SORCS2: variants seen among roughly 807,000 people sequenced by gnomAD.
SORCS2 encodes VPS10 domain-containing receptor SorCS2.
In SORCS2, 100 loss-of-function variants were observed where a neutral mutation model predicts 141.6. The observed-to-expected ratio is 0.71, with a 90% CI of 0.60 to 0.83. The LOEUF is 0.83. Ranked by LOEUF, SORCS2 falls within the 40% of genes least tolerant of loss-of-function variation. The pLI, the probability that SORCS2 is intolerant of heterozygous loss-of-function variation, is 0.00. For synonymous variants in SORCS2, 789 were observed against 676.9 expected, an observed-to-expected ratio of 1.17 and a Z score of -2.57; for missense variants, 1,646 against 1,560.2, an observed-to-expected ratio of 1.05 and a Z score of -0.93.
intron 1 of SORCS2, among the ~76,000 whole-genome samples, chr4:7,378,695 C>A (rs1200445319): frequency 6.6e-6 from 1 of 152,202 alleles, no homozygotes; most frequent in South Asian, 2.1e-4. Flanking sequence ...TTCCTCCCCC[C>A]CACACTGCTA....
At chr4:7,544,119 C>T (rs1713063773) in intron 3 of SORCS2, among the ~76,000 whole-genome samples, 1 of 151,090 alleles carries the variant, frequency 6.6e-6, no homozygotes, top group African/African-American at 2.4e-5. Context: ...CATCCATCCA[C>T]CCATCCACTC....
At chr4:7,395,380 C>A (rs986709813) in intron 1 of SORCS2, among the ~76,000 whole-genome samples, 1 of 152,200 alleles carries the variant, frequency 6.6e-6, no homozygotes, top group East Asian at 1.9e-4. Flanking sequence ...ATCTTACCTC[C>A]CGGGGGCTAC....
At chr4:7,597,366 G>T (rs543972724) in intron 3 of SORCS2, among the ~76,000 whole-genome samples, 2 of 150,418 alleles carry the variant, frequency 1.3e-5, no homozygotes, top group East Asian at 4.0e-4. Context: ...TGAGAGAGGG[G>T]GCTGTGCAAT....
chr4:7,545,064 C>CAA (rs1713141224), intron 3 of SORCS2, among the ~76,000 whole-genome samples: 1 of 151,784 alleles, frequency 6.6e-6, no homozygotes, highest in African/African-American at 2.4e-5. Flanking sequence ...ATAGAGTGAA[C>CAA]CCTGGAAACT....
intron 1 of SORCS2, 119 bp from the exon 2 acceptor site, chr4:7,396,169 C>T (rs1317761345): frequency 1.2e-6 from 1 of 836,976 alleles, no homozygotes; most frequent in Admixed American, 2.4e-5. Flanking sequence ...TAAGAGAGGC[C>T]CCTGGGCGGC....
intron 2 of SORCS2, among the ~76,000 whole-genome samples, chr4:7,530,084 A>C (rs1471395715): frequency 6.6e-6 from 1 of 152,142 alleles, no homozygotes; most frequent in African/African-American, 2.4e-5. Context: ...TAAACAGTCC[A>C]TTTTTCTGGA....
At chr4:7,609,513 G>A (rs573021685) in intron 3 of SORCS2, among the ~76,000 whole-genome samples, 1 of 152,176 alleles carries the variant, frequency 6.6e-6, no homozygotes, top group Non-Finnish European at 1.5e-5. Flanking sequence ...AGCCCCTGTG[G>A]TTTCTCCTTG....
chr4:7,286,690 C>T lies in SORCS2; in HGVS notation c.480+93564C>T, dbSNP rs1348552326. Among the ~76,000 whole-genome samples, 1 of 152,192 alleles carries T rather than the reference C, an allele frequency of 6.6e-6. No homozygotes were observed. Among genetic ancestry groups the T allele is most frequent in the African/African-American group, 2.4e-5 (1 of 41,444 alleles). The stretch of plus-strand genomic sequence containing the variant: ...AGAGCTGGGACTCGACTCTGGGCCT[C>T]CTGCCTTCTGGCCTGGCACTTTTTC... On this transcript the variant is annotated intron_variant, in intron 1 of 26. Transcript: ENST00000507866. The surrounding 1 kb of genome is among the most constrained non-coding windows in gnomAD (Gnocchi z 4.1).
intron 1 of SORCS2, among the ~76,000 whole-genome samples, chr4:7,265,371 G>T (rs1179268055): frequency 1.3e-5 from 2 of 152,152 alleles, no homozygotes; most frequent in Admixed American, 1.3e-4. Context: ...TGTGCCTGTG[G>T]TCCCAGCTAC....
At chr4:7,467,710 C>G (rs1208714732) in intron 2 of SORCS2, among the ~76,000 whole-genome samples, 2 of 152,210 alleles carry the variant, frequency 1.3e-5, no homozygotes, top group African/African-American at 2.4e-5. Context: ...GGGGGAGATG[C>G]CACCCAGCTC....
At chr4:7,533,771 G>A (rs1711860815) in intron 3 of SORCS2, among the ~76,000 whole-genome samples, 1 of 151,910 alleles carries the variant, frequency 6.6e-6, no homozygotes, top group Non-Finnish European at 1.5e-5. Context: ...TCTGCATGCA[G>A]CAACCTGGGG....
chr4:7,569,453 G>A (rs949737020), intron 3 of SORCS2, among the ~76,000 whole-genome samples: 8 of 152,166 alleles, frequency 5.3e-5, no homozygotes, highest in Admixed American at 2.6e-4. Flanking sequence ...CGGAGGTTGC[G>A]GTGAGCTGAG....
At chr4:7,381,680 C>T (rs192461301) in intron 1 of SORCS2, among the ~76,000 whole-genome samples, 1 of 152,344 alleles carries the variant, frequency 6.6e-6, no homozygotes, top group East Asian at 1.9e-4. Context: ...AGAGCAGGCT[C>T]TTCTAATCCC....
chr4:7,557,031 C>T (rs1466586588), intron 3 of SORCS2, among the ~76,000 whole-genome samples: 1 of 151,968 alleles, frequency 6.6e-6, no homozygotes, highest in African/African-American at 2.4e-5. Context: ...ACTCATCCAT[C>T]CATCCCTTTA....
intron 3 of SORCS2, among the ~76,000 whole-genome samples, chr4:7,620,668 C>T (rs1437423653): frequency 6.6e-6 from 1 of 152,226 alleles, no homozygotes; most frequent in Admixed American, 6.5e-5. Flanking sequence ...ACTCCATGTC[C>T]CTGACAAAGC....
At position 7,424,499 on chromosome 4, in the gene SORCS2, T is replaced by A. The variant is rs79821027; in HGVS notation, c.548+28144T>A. Among the ~76,000 whole-genome samples, 33 of 152,194 alleles carry A rather than the reference T, an allele frequency of 2.2e-4. No individual in the cohort carries two copies. In the South Asian group the frequency reaches 6.2e-3, roughly 29 times the overall value. Reference sequence around the variant, plus strand: ...ATCCGGGTCCACACAGTCCTCTGAATTGGGGGAGGAAATGCAGGCTTGGAA... The same window carrying A: ...ATCCGGGTCCACACAGTCCTCTGAAATGGGGGAGGAAATGCAGGCTTGGAA... On this transcript the variant is annotated intron_variant, in intron 2 of 26. Transcript: ENST00000507866.
rs1211945845 is a variant in SORCS2 at position 7,714,306 on chromosome 4, A to T, written c.2056A>T (p.Lys686Ter). 1 of 1,602,246 alleles carries T rather than the reference A, an allele frequency of 6.2e-7. No individual in the cohort carries two copies. The highest frequency in any genetic ancestry group is 1.7e-5 in the Admixed American group (1 of 58,664). ...AAGAAAGTCCACGTCCTGGTGCATC[A>T]AGGGGAGGAGCTTCACGTCGGCGCT... is the stretch of plus-strand genomic sequence containing the variant. ...RKRKSTSWCI[K>*]GRSFTSALTS... The change falls in exon 16 of 27, where the codon AAG (lysine) becomes TAG (stop). Residue 686 changes from lysine (K) to a stop codon, truncating the protein, a stop_gained. Coordinates refer to ENST00000507866, the MANE Select transcript of SORCS2 (RefSeq NM_020777.3). LOFTEE classifies it high-confidence loss of function.
At chr4:7,283,502 C>A (rs546172076) in intron 1 of SORCS2, among the ~76,000 whole-genome samples, 1 of 152,118 alleles carries the variant, frequency 6.6e-6, no homozygotes, top group Non-Finnish European at 1.5e-5. Flanking sequence ...TGGAGTGATT[C>A]CAGGTTTCCC....
chr4:7,604,684 C>T (rs1717950045), intron 3 of SORCS2, among the ~76,000 whole-genome samples: 1 of 152,214 alleles, frequency 6.6e-6, no homozygotes, highest in Non-Finnish European at 1.5e-5. Context: ...GTGCCTGCTT[C>T]CCCTTCTGCC....
Sources: gnomAD v4.1 joint callset for allele counts (sites outside exome capture counted in the v4.1 genomes callset) on GRCh38, gnomAD v4.1.1 for gene constraint, Gnocchi (gnomAD v3.1) non-coding constraint, MANE v1.5 for transcripts, NCBI Gene and HGNC (gene_info 2026-07-23, HGNC 2026-07-21) for gene names.